LARGE1: variants seen among roughly 807,000 people sequenced by gnomAD.
LARGE1 encodes the protein xylosyl- and glucuronyltransferase LARGE1.
A neutral mutation model predicts 87.6 loss-of-function variants in LARGE1; 43 were observed. The observed-to-expected ratio is 0.49, with a 90% CI of 0.38 to 0.63. The LOEUF is 0.63. Ranked by LOEUF, LARGE1 falls within the 30% of genes least tolerant of loss-of-function variation. The pLI, the probability that LARGE1 is intolerant of heterozygous loss-of-function variation, is 0.00. For synonymous variants in LARGE1, 434 were observed against 394.6 expected (o/e 1.10, Z -1.18); for missense variants, 802 against 1,000.2 (o/e 0.80, Z 2.67).
intron 3 of LARGE1, among the ~76,000 whole-genome samples, chr22:33,628,492 T>C (rs240587): frequency 1.2e-3 from 184 of 152,162 alleles, no homozygotes; most frequent in African/African-American, 4.3e-3. Context: ...AATTTTTGTA[T>C]TTTTAGTAGA....
At chr22:33,604,401 G>T in intron 5 of LARGE1, 34 bp downstream of exon 5, 2 of 1,613,658 alleles carry the variant, frequency 1.2e-6, no homozygotes, top group Non-Finnish European at 1.7e-6. Flanking sequence ...CCAGCTAGAG[G>T]AGATCACGGA....
At chr22:33,903,150 T>TA (rs1307738090) in intron 1 of LARGE1, among the ~76,000 whole-genome samples, 1 of 151,898 alleles carries the variant, frequency 6.6e-6, no homozygotes, top group Non-Finnish European at 1.5e-5. Flanking sequence ...AAAAAGGTAA[T>TA]TAAGTTAAAA....
At chr22:33,532,380 T>C (rs1292588785) in intron 6 of LARGE1, among the ~76,000 whole-genome samples, 5 of 152,202 alleles carry the variant, frequency 3.3e-5, no homozygotes, top group Non-Finnish European at 7.3e-5. Flanking sequence ...CTAGGTTGGG[T>C]CTGTACCTGC....
At chr22:33,087,905 G>A in the LARGE1 span, among the ~76,000 whole-genome samples, 1 of 152,178 alleles carries the variant, frequency 6.6e-6, no homozygotes, top group African/African-American at 2.4e-5. Flanking sequence ...CTGTGCTCCA[G>A]CCTGGGCAAC....
At chr22:33,387,235 G>A (rs1188068206) in intron 7 of LARGE1, among the ~76,000 whole-genome samples, 1 of 146,394 alleles carries the variant, frequency 6.8e-6, no homozygotes. Context: ...GACCAGCCCC[G>A]CCAACATGGC....
At chr22:33,728,567 A>AC (rs2083349254) in intron 2 of LARGE1, among the ~76,000 whole-genome samples, 6 of 149,946 alleles carry the variant, frequency 4.0e-5, no homozygotes, top group East Asian at 2.0e-4. Flanking sequence ...AAAAAAAAAA[A>AC]AAAAAAAAAA....
intron 1 of LARGE1, among the ~76,000 whole-genome samples, chr22:33,896,029 C>T (rs148472481): frequency 1.2e-3 from 185 of 152,324 alleles, no homozygotes; most frequent in African/African-American, 4.3e-3. Context: ...CAACACCCAC[C>T]TCCAGCACTG....
At chr22:33,442,166 G>A (rs2067503234) in intron 6 of LARGE1, among the ~76,000 whole-genome samples, 1 of 152,168 alleles carries the variant, frequency 6.6e-6, no homozygotes, top group South Asian at 2.1e-4. Flanking sequence ...AATCAAAACA[G>A]AAATGAGCTC....
At chr22:33,070,960 A>T in the LARGE1 span, among the ~76,000 whole-genome samples, 1 of 152,198 alleles carries the variant, frequency 6.6e-6, no homozygotes, top group Non-Finnish European at 1.5e-5. Flanking sequence ...GTGATCAGCC[A>T]GAATTTCCAA....
At chr22:33,463,934 A>G (rs987460545) in intron 6 of LARGE1, among the ~76,000 whole-genome samples, 2 of 152,174 alleles carry the variant, frequency 1.3e-5, no homozygotes, top group Non-Finnish European at 2.9e-5. Flanking sequence ...TTGGCCCCCC[A>G]AAGTGCTGGG....
intron 1 of LARGE1, among the ~76,000 whole-genome samples, 169 bp downstream of exon 1, chr22:33,919,826 C>T (rs962730970): frequency 6.6e-6 from 1 of 152,216 alleles, no homozygotes; most frequent in African/African-American, 2.4e-5. Flanking sequence ...AGACTGGGGG[C>T]TTCCACCTCC....
At chr22:33,245,727 G>A (rs2145700010) in intron 11 of LARGE1, among the ~76,000 whole-genome samples, 1 of 152,234 alleles carries the variant, frequency 6.6e-6, no homozygotes, top group African/African-American at 2.4e-5. Context: ...TGGCCAATGT[G>A]GCAAAACCCT....
chr22:33,119,841 T>C, the LARGE1 span, among the ~76,000 whole-genome samples: 1 of 152,120 alleles, frequency 6.6e-6, no homozygotes, highest in African/African-American at 2.4e-5. Flanking sequence ...AATGCTGGTA[T>C]TTTTTTCAGT....
intron 1 of LARGE1, among the ~76,000 whole-genome samples, chr22:33,818,873 T>C (rs549393796): frequency 6.6e-6 from 1 of 152,196 alleles, no homozygotes; most frequent in East Asian, 1.9e-4. Context: ...CTTCAGGAAG[T>C]CTGTACACTG....
intron 11 of LARGE1, among the ~76,000 whole-genome samples, chr22:33,233,575 G>T (rs974707985): frequency 3.3e-5 from 5 of 152,092 alleles, no homozygotes; most frequent in African/African-American, 1.2e-4. Flanking sequence ...AAGTTTCCTG[G>T]GATAGAGGTA....
intron 12 of LARGE1, among the ~76,000 whole-genome samples, chr22:33,284,020 T>G (rs541548232): frequency 6.6e-6 from 1 of 152,150 alleles, no homozygotes; most frequent in Admixed American, 6.5e-5. Flanking sequence ...CAGAGTGGAA[T>G]GGGATCTGCT....
intron 2 of LARGE1, among the ~76,000 whole-genome samples, chr22:33,723,019 T>C (rs750484985): frequency 1.3e-5 from 2 of 151,968 alleles, no homozygotes; most frequent in Non-Finnish European, 2.9e-5. Context: ...TTCTAGGCAA[T>C]GAGGAGCCAC....
intron 7 of LARGE1, among the ~76,000 whole-genome samples, chr22:33,403,692 C>T: frequency 6.6e-6 from 1 of 152,086 alleles, no homozygotes; most frequent in East Asian, 1.9e-4. Flanking sequence ...CAACCTCTGC[C>T]TCTTGGGTTC....
At chr22:33,074,291 AC>A in the LARGE1 span, among the ~76,000 whole-genome samples, 1 of 152,258 alleles carries the variant, frequency 6.6e-6, no homozygotes, top group African/African-American at 2.4e-5. Context: ...GCAATAAAGT[AC>A]CTTTGATATG....
Sources: allele counts gnomAD v4.1 joint callset (sites outside exome capture counted in the v4.1 genomes callset), GRCh38; gene constraint gnomAD v4.1.1; transcripts MANE v1.5; gene names NCBI Gene and HGNC (gene_info 2026-07-23, HGNC 2026-07-21).